TMCC1: variants seen among roughly 807,000 people sequenced by gnomAD.
The protein encoded by TMCC1 is transmembrane and coiled-coil domains protein 1.
Under a neutral mutation model 52.4 loss-of-function variants are expected in TMCC1, and 15 were observed. The observed-to-expected ratio is 0.29, with a 90% CI of 0.19 to 0.44. TMCC1 has a LOEUF of 0.44. Ranked by LOEUF, TMCC1 falls within the 20% of genes least tolerant of loss-of-function variation. The probability of loss-of-function intolerance (pLI) is 1.00; values close to 1 mark genes in which losing one functional copy is unlikely to be tolerated. For synonymous variants in TMCC1, 279 were observed against 301.9 expected (o/e 0.92, Z 0.79); for missense variants, 503 against 806.0 (o/e 0.62, Z 4.55).
At chr3:129,870,896 G>A (rs62265591) in intron 2 of TMCC1, among the ~76,000 whole-genome samples, 35,726 of 151,596 alleles carry the variant, frequency 0.24, 6,798 homozygotes, top group East Asian at 0.57. Flanking sequence ...GATATAATCT[G>A]ACAGTCCAAG....
intron 4 of TMCC1, among the ~76,000 whole-genome samples, chr3:129,671,647 A>G (rs1304700726): frequency 6.6e-6 from 1 of 152,230 alleles, no homozygotes; most frequent in African/African-American, 2.4e-5. Flanking sequence ...CTGCATTTCA[A>G]TATAATTATA....
intron 2 of TMCC1, among the ~76,000 whole-genome samples, chr3:129,870,961 C>A (rs1577165087): frequency 1.3e-5 from 2 of 151,876 alleles, no homozygotes; most frequent in African/African-American, 4.8e-5. Context: ...TAAGTGTTCA[C>A]CAATGTTAGC....
chr3:129,770,198 A>G lies in TMCC1; in HGVS notation c.576+57605T>C, dbSNP rs936139608. Among the ~76,000 whole-genome samples the G allele has an allele frequency of 2.0e-5, 3 of 152,146 alleles. No individual in the cohort carries two copies. The East Asian group carries it at 5.8e-4, about 29-fold the overall frequency. On this transcript the variant is annotated intron_variant, in intron 4 of 6. Transcript: ENST00000393238. The stretch of plus-strand genomic sequence containing the variant: ...ATTAAAGAGCAAAAAAATTCTAACT[A>G]TACGTATTTATTGAGGCATTAAGAA...
At chr3:129,872,674 G>C (rs990870720) in intron 2 of TMCC1, among the ~76,000 whole-genome samples, 11 of 152,166 alleles carry the variant, frequency 7.2e-5, no homozygotes, top group African/African-American at 2.7e-4. Flanking sequence ...AGGTGACACA[G>C]GGAGGCTGAA....
chr3:129,753,829 G>A (rs545486312), intron 4 of TMCC1, among the ~76,000 whole-genome samples: 13 of 151,700 alleles, frequency 8.6e-5, no homozygotes, highest in Non-Finnish European at 1.2e-4. Context: ...TTAACAACAC[G>A]AAGTACTAAC....
chr3:129,764,407 A>C (rs1318419133), intron 4 of TMCC1, among the ~76,000 whole-genome samples: 2 of 152,190 alleles, frequency 1.3e-5, no homozygotes, highest in African/African-American at 2.4e-5. Flanking sequence ...AGTCCATACA[A>C]GGCCATAACA....
In TMCC1 at chr3:129,671,138, CAA is replaced by C; in HGVS notation, c.701_702del (p.Ile234SerfsTer27). The C allele has an allele frequency of 6.2e-7, 1 of 1,614,128 alleles. No homozygotes were observed. Among genetic ancestry groups the C allele is most frequent in the Non-Finnish European group, 8.5e-7 (1 of 1,180,022 alleles). On this transcript the variant is annotated frameshift_variant, in exon 5 of 7. Coordinates refer to ENST00000393238, the MANE Select transcript of TMCC1 (RefSeq NM_001017395.5). LOFTEE classifies it high-confidence loss of function. Reference sequence around the variant, plus strand: ...TTCAGGATCTTCTGCTGCAGGTGAGCAATGGCAGCCTTTGTGCGCTGAGGGTC... The same window carrying C: ...TTCAGGATCTTCTGCTGCAGGTGAGCTGGCAGCCTTTGTGCGCTGAGGGTC... Reference protein sequence around the residue: ...TPDPQRTKAAIAHLQQKILKL... With the variant: ...TPDPQRTKAAXAHLQQKILKL...
intron 4 of TMCC1, among the ~76,000 whole-genome samples, chr3:129,705,144 G>C (rs549036682): frequency 1.3e-5 from 2 of 152,306 alleles, no homozygotes; most frequent in African/African-American, 4.8e-5. Flanking sequence ...TGGCATCAGG[G>C]TACTAGAGGC....
At position 129,695,748 on chromosome 3, in the gene TMCC1, CT is replaced by C. The variant is rs779755795; in HGVS notation, c.577-24485del. Among the ~76,000 whole-genome samples, 10 of 152,238 alleles carry C rather than the reference CT, an allele frequency of 6.6e-5. No individual in the cohort carries two copies. In the East Asian group the frequency reaches 1.4e-3, roughly 21 times the overall value. On this transcript the variant is annotated intron_variant, in intron 4 of 6. Transcript: ENST00000393238. ...ACAGCCAAATCATATCATTCTGCCC[CT>C]GACCCCTCCCAAATCTCATGTCCTC...
At chr3:129,852,456 C>CAAAAAAA (rs1015860543) in intron 2 of TMCC1, among the ~76,000 whole-genome samples, 12 of 39,836 alleles carry the variant, frequency 3.0e-4, no homozygotes, top group East Asian at 1.7e-3. Flanking sequence ...GACACCGTCT[C>CAAAAAAA]AAAAAAAAAA....
intron 4 of TMCC1, among the ~76,000 whole-genome samples, chr3:129,797,331 A>AAC (rs1042355840): frequency 5.4e-5 from 8 of 148,990 alleles, no homozygotes; most frequent in East Asian, 2.0e-4. Flanking sequence ...ATCTCAAACA[A>AAC]AAAAAAAAAA....
At chr3:129,892,129 C>T (rs973705216) in intron 1 of TMCC1, among the ~76,000 whole-genome samples, 1 of 152,096 alleles carries the variant, frequency 6.6e-6, no homozygotes, top group Admixed American at 6.5e-5. Flanking sequence ...TTAATCAATG[C>T]TCATAATTAT....
intron 4 of TMCC1, among the ~76,000 whole-genome samples, chr3:129,700,836 T>C (rs921316573): frequency 1.3e-5 from 2 of 152,130 alleles, no homozygotes; most frequent in African/African-American, 4.8e-5. Flanking sequence ...CAGCTTTGAT[T>C]AACTCATGGC....
intron 2 of TMCC1, among the ~76,000 whole-genome samples, chr3:129,855,983 T>C (rs1321912954): frequency 1.3e-5 from 2 of 150,556 alleles, no homozygotes. Context: ...AATGGCCAAA[T>C]GACTCAGCAA....
chr3:129,798,364 T>A lies in TMCC1; in HGVS notation c.576+29439A>T, dbSNP rs140704048. On this transcript the variant is annotated intron_variant, in intron 4 of 6. Transcript: ENST00000393238. The stretch of plus-strand genomic sequence containing the variant: ...TTCTCGCAGAGATAGTGAAACAGTA[T>A]TCTGAAATTATCTCCTAGGAATGTA... Among the ~76,000 whole-genome samples the A allele has an allele frequency of 3.9e-5, 6 of 152,064 alleles. No individual in the cohort carries two copies. The East Asian group carries it at 1.2e-3, about 29-fold the overall frequency.
chr3:129,854,738 A>C (rs2060075882), intron 2 of TMCC1, among the ~76,000 whole-genome samples: 1 of 152,172 alleles, frequency 6.6e-6, no homozygotes, highest in Non-Finnish European at 1.5e-5. Context: ...TCATAGCACA[A>C]GTATCATTTC....
intron 4 of TMCC1, among the ~76,000 whole-genome samples, chr3:129,679,270 C>T (rs1560173378): frequency 6.6e-6 from 1 of 152,188 alleles, no homozygotes. Flanking sequence ...GCTTCAATGT[C>T]ACCTTAGCAG....
intron 4 of TMCC1, among the ~76,000 whole-genome samples, chr3:129,755,444 A>C (rs985727565): frequency 6.6e-6 from 1 of 152,228 alleles, no homozygotes; most frequent in Non-Finnish European, 1.5e-5. Context: ...GTGCTAAGAG[A>C]ATGAAAAGAT....
At chr3:129,820,174 T>A (rs2058348620) in intron 4 of TMCC1, among the ~76,000 whole-genome samples, 1 of 150,462 alleles carries the variant, frequency 6.6e-6, no homozygotes, top group Admixed American at 6.7e-5. Context: ...CTTCTAGAGC[T>A]AAAAAGACTT....
Sources: allele counts gnomAD v4.1 joint callset (sites outside exome capture counted in the v4.1 genomes callset), GRCh38; gene constraint gnomAD v4.1.1; transcripts MANE v1.5; gene names NCBI Gene and HGNC (gene_info 2026-07-23, HGNC 2026-07-21).